GALNTL6: variants seen among roughly 807,000 people sequenced by gnomAD.
The protein encoded by GALNTL6 is polypeptide N-acetylgalactosaminyltransferase like 6.
In GALNTL6, 46 loss-of-function variants were observed where a neutral mutation model predicts 73.7. The ratio of observed to expected loss-of-function variants is 0.62; its 90% CI spans 0.49 to 0.80. The LOEUF (loss-of-function observed/expected upper bound fraction) is 0.80, where lower values mean the gene tolerates loss of function less well. Ranked by LOEUF, GALNTL6 falls within the 30% of genes least tolerant of loss-of-function variation. The pLI, the probability that GALNTL6 is intolerant of heterozygous loss-of-function variation, is 0.00. For missense variants in GALNTL6, 604 were observed against 755.0 expected (o/e 0.80, Z 2.34); for synonymous variants, 259 against 263.7 (o/e 0.98, Z 0.17).
intron 2 of GALNTL6, among the ~76,000 whole-genome samples, chr4:172,056,830 T>C (rs1731032358): frequency 6.6e-6 from 1 of 152,112 alleles, no homozygotes; most frequent in Admixed American, 6.6e-5. Flanking sequence ...AAAAAAATTA[T>C]AGACTATGTG....
intron 5 of GALNTL6, among the ~76,000 whole-genome samples, chr4:172,652,936 C>T (rs915294777): frequency 2.0e-5 from 3 of 152,054 alleles, no homozygotes; most frequent in Non-Finnish European, 4.4e-5. Flanking sequence ...TTAGTTGCTA[C>T]GATTTTCAAA....
intron 7 of GALNTL6, among the ~76,000 whole-genome samples, chr4:172,872,358 T>G (rs1253284879): frequency 6.6e-6 from 1 of 152,226 alleles, no homozygotes; most frequent in Non-Finnish European, 1.5e-5. Context: ...GAATTTTGAC[T>G]GCCCTTCCCC....
At chr4:172,330,355 G>A (rs1231864667) in intron 4 of GALNTL6, among the ~76,000 whole-genome samples, 1 of 152,132 alleles carries the variant, frequency 6.6e-6, no homozygotes, top group Non-Finnish European at 1.5e-5. Flanking sequence ...GGAGGTGTGG[G>A]TCCCCGGAGC....
At chr4:172,016,435 ACTAT>A (rs1741194506) in intron 2 of GALNTL6, among the ~76,000 whole-genome samples, 1 of 151,904 alleles carries the variant, frequency 6.6e-6, no homozygotes, top group South Asian at 2.1e-4. Flanking sequence ...TTTTCTTTAT[ACTAT>A]CTATTTATCT....
chr4:172,613,437 G>A (rs1738605305), intron 5 of GALNTL6, among the ~76,000 whole-genome samples: 1 of 151,922 alleles, frequency 6.6e-6, no homozygotes, highest in Admixed American at 6.6e-5. Context: ...TACTAGATGT[G>A]TTTGAGAGCA....
At chr4:172,468,806 G>C (rs1220348964) in intron 5 of GALNTL6, among the ~76,000 whole-genome samples, 1 of 152,148 alleles carries the variant, frequency 6.6e-6, no homozygotes, top group African/African-American at 2.4e-5. Flanking sequence ...CTTGGTATTT[G>C]TGCAAATATT....
intron 7 of GALNTL6, among the ~76,000 whole-genome samples, chr4:172,853,842 T>C (rs935771665): frequency 1.3e-5 from 2 of 152,230 alleles, no homozygotes; most frequent in African/African-American, 4.8e-5. Flanking sequence ...AAATATTCTA[T>C]GTAGTATTGG....
chr4:173,005,522 A>G (rs1752237987), intron 10 of GALNTL6, among the ~76,000 whole-genome samples: 1 of 7,414 alleles, frequency 1.3e-4, no homozygotes. Flanking sequence ...GTTCTTGTCT[A>G]CATTTAAAAA....
intron 2 of GALNTL6, among the ~76,000 whole-genome samples, chr4:171,821,859 G>A (rs937367784): frequency 9.2e-5 from 14 of 151,882 alleles, no homozygotes; most frequent in Non-Finnish European, 1.9e-4. Context: ...GAAACTAAAA[G>A]GGCATTTTTC....
intron 5 of GALNTL6, among the ~76,000 whole-genome samples, chr4:172,516,540 G>T (rs953789976): frequency 3.3e-5 from 5 of 152,048 alleles, no homozygotes; most frequent in Admixed American, 6.6e-5. Flanking sequence ...CAACGTAAAA[G>T]ATTTTTTTAA....
intron 2 of GALNTL6, among the ~76,000 whole-genome samples, chr4:171,989,279 C>G (rs562464659): frequency 7.9e-5 from 12 of 152,126 alleles, no homozygotes; most frequent in South Asian, 6.2e-4. Flanking sequence ...TGAGGCGATC[C>G]GGCAGTGTCA....
At chr4:172,529,621 T>C (rs2110842140) in intron 5 of GALNTL6, among the ~76,000 whole-genome samples, 1 of 152,240 alleles carries the variant, frequency 6.6e-6, no homozygotes, top group Middle Eastern at 3.4e-3. Flanking sequence ...ATGTGTATTA[T>C]ATCTGCAGGA....
intron 5 of GALNTL6, among the ~76,000 whole-genome samples, chr4:172,450,151 A>G (rs1732158664): frequency 6.6e-6 from 1 of 151,238 alleles, no homozygotes; most frequent in South Asian, 2.1e-4. Context: ...CGGGAGGCAG[A>G]GGTTGCAGTG....
intron 2 of GALNTL6, among the ~76,000 whole-genome samples, chr4:171,933,048 T>C (rs2110999872): frequency 6.6e-6 from 1 of 152,326 alleles, no homozygotes; most frequent in African/African-American, 2.4e-5. Flanking sequence ...CTTAGCAAGA[T>C]TGCCTGTGTA....
In GALNTL6 at chr4:172,782,359, T is replaced by A. The variant is rs151281411; in HGVS notation, c.554-27002T>A. Among the ~76,000 whole-genome samples, 468 of 152,272 alleles carry A rather than the reference T, an allele frequency of 3.1e-3. 2 individuals are homozygous for A. Among genetic ancestry groups the A allele is most frequent in the African/African-American group, 0.011 (459 of 41,560 alleles). On this transcript the variant is annotated intron_variant, in intron 5 of 12. Coordinates refer to ENST00000506823, the MANE Select transcript of GALNTL6 (RefSeq NM_001034845.3). ...AAAGTGGGACTGTGAATAAGTCAGG[T>A]AAGAGTTTGAGAGGAAGCAATTATA...
chr4:172,979,779 GGTTA>G (rs1052297323), intron 10 of GALNTL6, among the ~76,000 whole-genome samples: 5 of 152,252 alleles, frequency 3.3e-5, no homozygotes, highest in Admixed American at 3.3e-4. Context: ...AACCAATCTT[GGTTA>G]GTTTCTCAAG....
intron 5 of GALNTL6, among the ~76,000 whole-genome samples, chr4:172,570,002 A>G (rs1736702948): frequency 6.6e-6 from 1 of 152,178 alleles, no homozygotes; most frequent in African/African-American, 2.4e-5. Flanking sequence ...TTATTTCTCT[A>G]ATAAGTCCAG....
At chr4:171,926,366 A>C (rs1415027699) in intron 2 of GALNTL6, among the ~76,000 whole-genome samples, 2 of 152,098 alleles carry the variant, frequency 1.3e-5, no homozygotes, top group Non-Finnish European at 2.9e-5. Flanking sequence ...CCAATTCAGA[A>C]GGCTATTGTA....
intron 2 of GALNTL6, among the ~76,000 whole-genome samples, chr4:171,913,840 T>TA (rs138290485): frequency 0.053 from 8,073 of 152,126 alleles, 610 homozygotes; most frequent in African/African-American, 0.17. Context: ...TTTAGCACAA[T>TA]AAAAAGTTAA....
Sources: allele counts gnomAD v4.1 joint callset (sites outside exome capture counted in the v4.1 genomes callset), GRCh38; gene constraint gnomAD v4.1.1; transcripts MANE v1.5; gene names NCBI Gene and HGNC (gene_info 2026-07-23, HGNC 2026-07-21).